Variants in SKIL observed in about 807,000 individuals in gnomAD.
The protein encoded by SKIL is SKI like proto-oncogene, also known as ski-like protein.
Under a neutral mutation model 69.6 loss-of-function variants are expected in SKIL, and 20 were observed. That is an observed-to-expected ratio of 0.29 (90% confidence interval 0.20 to 0.42). The LOEUF is 0.42. Among genes scored for constraint, SKIL ranks in the 10% least tolerant of loss-of-function variants. The pLI is 1.00. For missense variants in SKIL, 745 were observed against 783.1 expected (o/e 0.95, Z 0.58); for synonymous variants, 310 against 279.9 (o/e 1.11, Z -1.08).
At chr3:170,371,867 C>G (rs953735525) in intron 2 of SKIL, among the ~76,000 whole-genome samples, 1 of 152,074 alleles carries the variant, frequency 6.6e-6, no homozygotes, top group African/African-American at 2.4e-5. Context: ...ACATAAAAAC[C>G]TGAAGTAGAA....
chr3:170,372,765 CAT>C (rs1736852057), intron 2 of SKIL, among the ~76,000 whole-genome samples: 1 of 152,084 alleles, frequency 6.6e-6, no homozygotes, highest in African/African-American at 2.4e-5. Flanking sequence ...TGTATCCAGT[CAT>C]ATGTTTAGTA....
At chr3:170,387,746 A>G (rs971035098) in intron 4 of SKIL, among the ~76,000 whole-genome samples, 2 of 89,814 alleles carry the variant, frequency 2.2e-5, no homozygotes, top group African/African-American at 7.5e-5. Flanking sequence ...AAACGGTGAA[A>G]CCCCGTCTCT....
intron 2 of SKIL, among the ~76,000 whole-genome samples, chr3:170,379,830 G>A (rs1302259244): frequency 6.6e-6 from 1 of 152,014 alleles, no homozygotes; most frequent in Non-Finnish European, 1.5e-5. Context: ...TTTTAATAGA[G>A]ATGGGGTTTT....
chr3:170,369,438 G>A (rs1353500673), intron 2 of SKIL, among the ~76,000 whole-genome samples: 4 of 151,934 alleles, frequency 2.6e-5, no homozygotes, highest in African/African-American at 7.3e-5. Context: ...TTTTGCTCTT[G>A]TAGCTCAGGC....
intron 5 of SKIL, 29 bp downstream of exon 5, chr3:170,390,493 T>C: frequency 1.3e-6 from 2 of 1,582,908 alleles, no homozygotes; most frequent in Non-Finnish European, 1.7e-6. Flanking sequence ...TGATAGTCCA[T>C]TATGAAAAGA....
chr3:170,366,582 A>G (rs1283444149), intron 2 of SKIL, among the ~76,000 whole-genome samples: 1 of 152,106 alleles, frequency 6.6e-6, no homozygotes, highest in African/African-American at 2.4e-5. Context: ...TGGGAGGCTG[A>G]GGCAGGCTTG....
chr3:170,390,227 A>G lies in SKIL; in HGVS notation c.1434A>G (p.Ala478=), dbSNP rs781106008. The change falls in exon 5 of 7, where the codon GCA becomes GCG. Residue 478 remains alanine, a synonymous_variant. Coordinates refer to ENST00000259119, the MANE Select transcript of SKIL (RefSeq NM_005414.5). Reference sequence around the variant, plus strand: ...CTTGATTTTTTTCTCTCCAAGATGCATCAATCTCAAATAATTCTACAAGTA... The same window carrying G: ...CTTGATTTTTTTCTCTCCAAGATGCGTCAATCTCAAATAATTCTACAAGTA... ...TSRELCSRLD[A]SISNNSTSKR... 3 of 1,608,732 alleles carry G rather than the reference A, an allele frequency of 1.9e-6. No homozygotes were observed. The highest frequency in any genetic ancestry group is 2.6e-6 in the Non-Finnish European group (3 of 1,175,300).
chr3:170,378,711 C>T (rs1458732537), intron 2 of SKIL, among the ~76,000 whole-genome samples: 1 of 151,778 alleles, frequency 6.6e-6, no homozygotes. Flanking sequence ...ACCACCATGT[C>T]CAGCTAATTT....
intron 2 of SKIL, among the ~76,000 whole-genome samples, chr3:170,371,600 C>T (rs895881575): frequency 6.6e-6 from 1 of 152,198 alleles, no homozygotes; most frequent in Non-Finnish European, 1.5e-5. Context: ...GTTTTTCTAA[C>T]TGCAATTTGT....
intron 2 of SKIL, among the ~76,000 whole-genome samples, chr3:170,373,626 A>T (rs185465875): frequency 6.6e-6 from 1 of 152,346 alleles, no homozygotes; most frequent in African/African-American, 2.4e-5. Flanking sequence ...TAGTAATCTG[A>T]TGCTGTAATT....
intron 2 of SKIL, among the ~76,000 whole-genome samples, chr3:170,377,831 G>A (rs924865039): frequency 6.6e-6 from 1 of 151,442 alleles, no homozygotes; most frequent in Admixed American, 6.6e-5. Flanking sequence ...TGGGATTACA[G>A]GTGTGAGCCA....
rs1436308971 is a variant in SKIL, at chr3:170,391,553, T to C, written c.1896+293T>C. Among the ~76,000 whole-genome samples the C allele has an allele frequency of 2.6e-5, 4 of 152,254 alleles. No homozygotes were observed. In the East Asian group the frequency reaches 7.7e-4, roughly 29 times the overall value. On this transcript the variant is annotated intron_variant, in intron 6 of 6. Transcript: ENST00000259119. Reference sequence around the variant, plus strand: ...TCAGTCTGGTCTTGAACTCCTGACCTCATGATCTGCCCACCTCAGCCTCCC... The same window carrying C: ...TCAGTCTGGTCTTGAACTCCTGACCCCATGATCTGCCCACCTCAGCCTCCC...
intron 4 of SKIL, among the ~76,000 whole-genome samples, chr3:170,388,856 T>G (rs545640893): frequency 9.9e-5 from 14 of 141,132 alleles, no homozygotes; most frequent in East Asian, 4.3e-4. Flanking sequence ...AAATATTTAT[T>G]TATGTATTTA....
At chr3:170,370,447 C>A (rs1381597921) in intron 2 of SKIL, among the ~76,000 whole-genome samples, 1 of 31,940 alleles carries the variant, frequency 3.1e-5, no homozygotes, top group African/African-American at 7.7e-5. Context: ...GAGCCCCCCC[C>A]CCCCCCCCGA....
At chr3:170,365,029 G>T (rs1326737148) in intron 2 of SKIL, among the ~76,000 whole-genome samples, 1 of 152,186 alleles carries the variant, frequency 6.6e-6, no homozygotes, top group East Asian at 1.9e-4. Flanking sequence ...CTTTAAGAAA[G>T]ATTCTTTTCT....
intron 2 of SKIL, among the ~76,000 whole-genome samples, chr3:170,367,963 TTTCAC>T (rs1736626190): frequency 6.6e-6 from 1 of 152,198 alleles, no homozygotes; most frequent in Non-Finnish European, 1.5e-5. Flanking sequence ...TGCATTTTCG[TTTCAC>T]TTCTTCATTT....
intron 2 of SKIL, among the ~76,000 whole-genome samples, chr3:170,378,915 T>C (rs911661044): frequency 4.0e-5 from 6 of 151,596 alleles, no homozygotes; most frequent in African/African-American, 1.5e-4. Context: ...CTGGCTCAGT[T>C]GCCCAGGCTG....
chr3:170,361,940 CTGT>C (rs1185668209), intron 2 of SKIL, among the ~76,000 whole-genome samples: 1 of 152,058 alleles, frequency 6.6e-6, no homozygotes, highest in Non-Finnish European at 1.5e-5. Context: ...ACCACTACAT[CTGT>C]TGTTTTTCTA....
At chr3:170,365,944 C>T (rs968661085) in intron 2 of SKIL, among the ~76,000 whole-genome samples, 3 of 151,624 alleles carry the variant, frequency 2.0e-5, no homozygotes, top group Non-Finnish European at 2.9e-5. Flanking sequence ...TTAGTCCAGA[C>T]GGGGTTTCAC....
Sources: gnomAD v4.1 joint callset for allele counts (sites outside exome capture counted in the v4.1 genomes callset) on GRCh38, gnomAD v4.1.1 for gene constraint, MANE v1.5 for transcripts, NCBI Gene and HGNC (gene_info 2026-07-23, HGNC 2026-07-21) for gene names.